Variants in CTNNA2 observed in about 807,000 individuals in gnomAD.
CTNNA2 encodes the protein catenin alpha-2.
A neutral mutation model predicts 101.0 loss-of-function variants in CTNNA2; 42 were observed. The ratio of observed to expected loss-of-function variants is 0.42; its 90% confidence interval spans 0.32 to 0.54. The LOEUF (loss-of-function observed/expected upper bound fraction) is 0.54. CTNNA2 is among the 20% of genes least tolerant of loss of function. The probability of loss-of-function intolerance (pLI) is 0.14; values close to 1 mark genes in which losing one functional copy is unlikely to be tolerated. For missense variants in CTNNA2, 871 were observed against 1,223.1 expected, an observed-to-expected ratio of 0.71 and a Z score of 4.29; for synonymous variants, 450 against 456.4, an observed-to-expected ratio of 0.99 and a Z score of 0.18.
chr2:79,783,107 A>T (rs898506790), intron 3 of CTNNA2, among the ~76,000 whole-genome samples: 4 of 152,114 alleles, frequency 2.6e-5, no homozygotes, highest in Admixed American at 2.0e-4. Context: ...ATTAATCTTG[A>T]CATTTTATGT....
At chr2:80,461,377 C>T (rs1684409725) in intron 9 of CTNNA2, among the ~76,000 whole-genome samples, 1 of 152,034 alleles carries the variant, frequency 6.6e-6, no homozygotes, top group Non-Finnish European at 1.5e-5. Flanking sequence ...CCACTGACCT[C>T]CCTCACCTCC....
At chr2:79,269,985 G>T (rs936612845) in intron 2 of CTNNA2, among the ~76,000 whole-genome samples, 3 of 152,098 alleles carry the variant, frequency 2.0e-5, no homozygotes, top group Non-Finnish European at 2.9e-5. Flanking sequence ...GATAGGAGTG[G>T]TGAATTAAAG....
At position 79,635,011 on chromosome 2, in the gene CTNNA2, T is replaced by TG. The variant is rs1449199817; in HGVS notation, c.-5-16539dup. Among the ~76,000 whole-genome samples, 5 of 152,092 alleles carry TG rather than the reference T, an allele frequency of 3.3e-5. No individual in the cohort carries two copies. The South Asian group carries it at 8.3e-4, about 25-fold the overall frequency. On this transcript the variant is annotated intron_variant, in intron 1 of 18. Coordinates refer to ENST00000402739, the MANE Select transcript of CTNNA2 (RefSeq NM_001282597.3). ...TCATTCATATTTGCGAAAACCATTA[T>TG]GGCTGTGGGATAAAGAAGGGATCAG...
intron 7 of CTNNA2, among the ~76,000 whole-genome samples, chr2:80,175,879 G>A (rs757207197): frequency 6.6e-6 from 1 of 152,174 alleles, no homozygotes; most frequent in Non-Finnish European, 1.5e-5. Flanking sequence ...TTCAATGTTC[G>A]AGGGCAGGAA....
At chr2:80,350,323 T>A (rs1288908005) in intron 7 of CTNNA2, among the ~76,000 whole-genome samples, 1 of 152,198 alleles carries the variant, frequency 6.6e-6, no homozygotes, top group East Asian at 1.9e-4. Flanking sequence ...TTTTATTTTA[T>A]TGTAGCATTC....
At chr2:79,455,639 T>C (rs1670813645) in intron 4 of CTNNA2, among the ~76,000 whole-genome samples, 1 of 152,246 alleles carries the variant, frequency 6.6e-6, no homozygotes, top group Admixed American at 6.5e-5. Flanking sequence ...CTGGTTTGCA[T>C]AGAACTAGGT....
intron 2 of CTNNA2, among the ~76,000 whole-genome samples, chr2:79,708,125 G>C (rs1685504396): frequency 6.6e-6 from 1 of 152,160 alleles, no homozygotes; most frequent in Admixed American, 6.5e-5. Flanking sequence ...GTTAGATCAA[G>C]TGATTGTAGA....
intron 3 of CTNNA2, among the ~76,000 whole-genome samples, chr2:79,801,282 T>C (rs752039522): frequency 2.3e-4 from 35 of 152,204 alleles, no homozygotes; most frequent in Non-Finnish European, 4.1e-4. Context: ...TGCAGCCAGT[T>C]TCTCTTGCTT....
At chr2:80,498,066 G>C (rs1290588352) in intron 9 of CTNNA2, among the ~76,000 whole-genome samples, 1 of 151,924 alleles carries the variant, frequency 6.6e-6, no homozygotes, top group African/African-American at 2.4e-5. Context: ...AATAAAAAAT[G>C]AATACAATTC....
At chr2:79,222,180 C>T (rs1023454403) in intron 2 of CTNNA2, among the ~76,000 whole-genome samples, 6 of 152,078 alleles carry the variant, frequency 3.9e-5, no homozygotes, top group African/African-American at 9.7e-5. Flanking sequence ...ACAAATGCCT[C>T]GAGACACCAG....
At chr2:80,596,061 A>T (rs1573400123) in intron 15 of CTNNA2, among the ~76,000 whole-genome samples, 1 of 151,862 alleles carries the variant, frequency 6.6e-6, no homozygotes, top group African/African-American at 2.4e-5. Context: ...TGTAGTTCTC[A>T]TAGAAGAGGT....
At chr2:79,881,143 C>T (rs575089397) in intron 6 of CTNNA2, among the ~76,000 whole-genome samples, 62 of 152,264 alleles carry the variant, frequency 4.1e-4, no homozygotes, top group Non-Finnish European at 7.1e-4. Flanking sequence ...TTTCTTCATC[C>T]TAAGTTCTCA....
At chr2:79,271,162 C>A (rs1312673446) in intron 2 of CTNNA2, among the ~76,000 whole-genome samples, 3 of 151,484 alleles carry the variant, frequency 2.0e-5, no homozygotes, top group Non-Finnish European at 4.4e-5. Flanking sequence ...TATATTCTCC[C>A]TTTGGCGATT....
chr2:79,209,824 C>A (rs1674147323), intron 2 of CTNNA2, among the ~76,000 whole-genome samples: 1 of 152,212 alleles, frequency 6.6e-6, no homozygotes, highest in Admixed American at 6.5e-5. Context: ...CCAGCTCAGG[C>A]CTAAAAATCC....
At chr2:79,253,686 A>C (rs1224052325) in intron 2 of CTNNA2, among the ~76,000 whole-genome samples, 2 of 152,202 alleles carry the variant, frequency 1.3e-5, no homozygotes, top group Non-Finnish European at 2.9e-5. Context: ...ATGCCGCAGA[A>C]CTTAACTTCA....
chr2:80,280,312 G>A (rs1287417857), intron 7 of CTNNA2, among the ~76,000 whole-genome samples: 1 of 150,594 alleles, frequency 6.6e-6, no homozygotes, highest in Non-Finnish European at 1.5e-5. Context: ...GCCAACTGCT[G>A]CCTTCTGCTG....
chr2:79,257,781 C>T (rs1674867269), intron 2 of CTNNA2, among the ~76,000 whole-genome samples: 1 of 149,864 alleles, frequency 6.7e-6, no homozygotes, highest in Non-Finnish European at 1.5e-5. Flanking sequence ...CCAGGGCTGC[C>T]AAGCACCAAA....
chr2:79,472,306 C>T (rs1671008597), intron 4 of CTNNA2, among the ~76,000 whole-genome samples: 2 of 152,206 alleles, frequency 1.3e-5, no homozygotes, highest in African/African-American at 2.4e-5. Flanking sequence ...TGGTACTGCA[C>T]GTGCAGCCCT....
intron 7 of CTNNA2, among the ~76,000 whole-genome samples, chr2:80,147,531 A>G (rs1703430496): frequency 6.6e-6 from 1 of 152,214 alleles, no homozygotes; most frequent in African/African-American, 2.4e-5. Flanking sequence ...GATGAACTCC[A>G]ACAGGACTCC....
Sources: allele counts gnomAD v4.1 joint callset (sites outside exome capture counted in the v4.1 genomes callset), GRCh38; gene constraint gnomAD v4.1.1; transcripts MANE v1.5; gene names NCBI Gene and HGNC (gene_info 2026-07-23, HGNC 2026-07-21).